GALNT17: variants seen among roughly 807,000 people sequenced by gnomAD.
GALNT17 encodes UDP-GalNAc:polypeptide N-acetylgalactosaminyltransferase-like 3.
In GALNT17, 29 loss-of-function variants were observed where a neutral mutation model predicts 63.7. The ratio of observed to expected loss-of-function variants is 0.46; its 90% confidence interval spans 0.34 to 0.62. The LOEUF (loss-of-function observed/expected upper bound fraction) is 0.62. Among genes scored for constraint, GALNT17 ranks in the 20% least tolerant of loss-of-function variants. GALNT17 has a pLI of 0.01. For missense variants in GALNT17, 603 were observed against 799.6 expected (o/e 0.75, Z 2.97); for synonymous variants, 305 against 318.3 (o/e 0.96, Z 0.45).
At chr7:71,320,953 G>T (rs753330491) in intron 1 of GALNT17, among the ~76,000 whole-genome samples, 1 of 152,180 alleles carries the variant, frequency 6.6e-6, no homozygotes, top group Non-Finnish European at 1.5e-5. Context: ...GTGAAGGTTC[G>T]TGTCCCACTC....
chr7:71,350,442 C>A (rs1272617085), intron 2 of GALNT17, among the ~76,000 whole-genome samples: 1 of 151,794 alleles, frequency 6.6e-6, no homozygotes, highest in Admixed American at 6.6e-5. Context: ...ACATCTGACC[C>A]TTAAAATCCC....
intron 1 of GALNT17, among the ~76,000 whole-genome samples, chr7:71,211,576 T>A (rs144726947): frequency 3.3e-5 from 5 of 151,980 alleles, no homozygotes; most frequent in Non-Finnish European, 5.9e-5. Flanking sequence ...CAGGGAGAGA[T>A]TGGAACAGTT....
chr7:71,483,058 G>C (rs1787849672), intron 5 of GALNT17, among the ~76,000 whole-genome samples: 1 of 152,204 alleles, frequency 6.6e-6, no homozygotes. Flanking sequence ...TCACAGATCA[G>C]TACTGGTCCA....
intron 1 of GALNT17, among the ~76,000 whole-genome samples, chr7:71,182,320 C>T (rs1283168173): frequency 1.3e-5 from 2 of 152,170 alleles, no homozygotes; most frequent in East Asian, 1.9e-4. Context: ...GAAGAAGATA[C>T]ATTTATACAT....
At chr7:71,552,253 C>T (rs1309711082) in intron 5 of GALNT17, among the ~76,000 whole-genome samples, 1 of 151,958 alleles carries the variant, frequency 6.6e-6, no homozygotes, top group Non-Finnish European at 1.5e-5. Flanking sequence ...CCATGTTGGC[C>T]AGGCTGGTCT....
At chr7:71,134,700 CG>C (rs1401064489) in intron 1 of GALNT17, among the ~76,000 whole-genome samples, 2 of 152,014 alleles carry the variant, frequency 1.3e-5, no homozygotes, top group African/African-American at 4.8e-5. Flanking sequence ...CAGAAACTTA[CG>C]GGGTGGCCTT....
chr7:71,191,584 C>T (rs758223187), intron 1 of GALNT17, among the ~76,000 whole-genome samples: 1 of 152,122 alleles, frequency 6.6e-6, no homozygotes, highest in Non-Finnish European at 1.5e-5. Flanking sequence ...TTAGCTGACC[C>T]CAATACATGT....
chr7:71,272,915 C>T (rs115075427), intron 1 of GALNT17, among the ~76,000 whole-genome samples: 2,150 of 150,864 alleles, frequency 0.014, 52 homozygotes, highest in African/African-American at 0.049. Context: ...TTTCACCCTA[C>T]CGGAGAGCAA....
chr7:71,385,147 A>G (rs531712727), intron 2 of GALNT17, among the ~76,000 whole-genome samples: 53 of 152,218 alleles, frequency 3.5e-4, no homozygotes, highest in African/African-American at 1.3e-3. Flanking sequence ...GCAAGCAGCC[A>G]GGAAGGCCTG....
At position 71,622,216 on chromosome 7, in the gene GALNT17, T is replaced by C. The variant is rs538626945; in HGVS notation, c.1081-43195T>C. On this transcript the variant is annotated intron_variant, in intron 6 of 10. Transcript: ENST00000333538. ...AATGGGCAACATGGCGGCTCTGCCA[T>C]TGGGCTGGTAGAAGGCCTGTTCTGC... Among the ~76,000 whole-genome samples, 11 of 152,320 alleles carry C rather than the reference T, an allele frequency of 7.2e-5. No individual in the cohort carries two copies. In the South Asian group the frequency reaches 8.3e-4, roughly 11 times the overall value.
intron 1 of GALNT17, among the ~76,000 whole-genome samples, chr7:71,320,456 G>T (rs1791586226): frequency 6.6e-6 from 1 of 151,062 alleles, no homozygotes; most frequent in Non-Finnish European, 1.5e-5. Flanking sequence ...TTGCTATGTT[G>T]CCCAGGCTGG....
chr7:71,639,647 C>CA (rs770336462), intron 6 of GALNT17, among the ~76,000 whole-genome samples: 20 of 152,332 alleles, frequency 1.3e-4, no homozygotes, highest in Non-Finnish European at 2.6e-4. Context: ...CCATAGCACA[C>CA]AACCGAAAGC....
chr7:71,446,665 C>T (rs192178104), intron 5 of GALNT17, among the ~76,000 whole-genome samples: 29 of 152,310 alleles, frequency 1.9e-4, no homozygotes, highest in African/African-American at 6.7e-4. Context: ...TCTTCTGCTT[C>T]GACCTCCAGA....
At chr7:71,424,093 A>G (rs763543122) in intron 5 of GALNT17, among the ~76,000 whole-genome samples, 9 of 152,190 alleles carry the variant, frequency 5.9e-5, no homozygotes, top group Non-Finnish European at 1.2e-4. Context: ...TCCCACACCA[A>G]CTGTTCATCA....
chr7:71,198,936 C>T lies in GALNT17; in HGVS notation c.238+65896C>T, dbSNP rs148633773. On this transcript the variant is annotated intron_variant, in intron 1 of 10. Coordinates refer to ENST00000333538, the MANE Select transcript of GALNT17 (RefSeq NM_022479.3). ...CTTGTTGAAACATGAAATGCTGGCACGATCCTCAGAATTTCTGATTCCTTA... is the reference window on the plus strand; with the variant it reads ...CTTGTTGAAACATGAAATGCTGGCATGATCCTCAGAATTTCTGATTCCTTA... 1.6e-4 allele frequency among the ~76,000 whole-genome samples: 24 copies of T among 152,300 alleles called. No homozygotes were observed. In the East Asian group the frequency reaches 2.1e-3, roughly 13 times the overall value.
intron 1 of GALNT17, among the ~76,000 whole-genome samples, chr7:71,302,116 G>C (rs912578555): frequency 1.3e-5 from 2 of 152,094 alleles, no homozygotes; most frequent in African/African-American, 4.8e-5. Context: ...CAAACACCGC[G>C]TGTTGTCACT....
chr7:71,543,071 A>G lies in GALNT17; in HGVS notation c.963-28214A>G, dbSNP rs1562683668. Among the ~76,000 whole-genome samples, 3 of 151,444 alleles carry G rather than the reference A, an allele frequency of 2.0e-5. No homozygotes were observed. The East Asian group carries it at 5.8e-4, about 29-fold the overall frequency. On this transcript the variant is annotated intron_variant, in intron 5 of 10. Transcript: ENST00000333538. Reference sequence around the variant, plus strand: ...AAAAAAAAGCCCACACACCAAAAGAATTTTATTTTTTCTTGTCTTTGATCA... The same window carrying G: ...AAAAAAAAGCCCACACACCAAAAGAGTTTTATTTTTTCTTGTCTTTGATCA...
At chr7:71,285,290 T>C (rs1790853222) in intron 1 of GALNT17, among the ~76,000 whole-genome samples, 1 of 152,154 alleles carries the variant, frequency 6.6e-6, no homozygotes, top group African/African-American at 2.4e-5. Flanking sequence ...AATAAAAAGG[T>C]AATTCATTCC....
At chr7:71,414,406 T>C (rs1793487935) in intron 3 of GALNT17, among the ~76,000 whole-genome samples, 1 of 152,198 alleles carries the variant, frequency 6.6e-6, no homozygotes, top group African/African-American at 2.4e-5. Context: ...CTATATAGCT[T>C]TTCCTTTAGT....
Sources: gnomAD v4.1 joint callset for allele counts (sites outside exome capture counted in the v4.1 genomes callset) on GRCh38, gnomAD v4.1.1 for gene constraint, MANE v1.5 for transcripts, NCBI Gene and HGNC (gene_info 2026-07-23, HGNC 2026-07-21) for gene names.